The following MAN2B1 variants were observed in gnomAD, a reference collection of about 807,000 sequenced individuals.
MAN2B1 encodes mannosidase alpha class 2B member 1.
Under a neutral mutation model 127.5 loss-of-function variants are expected in MAN2B1, and 99 were observed. The observed-to-expected ratio is 0.78, with a 90% CI of 0.66 to 0.92. The LOEUF (loss-of-function observed/expected upper bound fraction) is 0.92, where lower values mean the gene tolerates loss of function less well. Ranked by LOEUF, MAN2B1 falls within the 40% of genes least tolerant of loss-of-function variation. MAN2B1 has a pLI of 0.00. For synonymous variants in MAN2B1, 573 were observed against 568.8 expected, an observed-to-expected ratio of 1.01 and a Z score of -0.11; for missense variants, 1,304 against 1,384.8, an observed-to-expected ratio of 0.94 and a Z score of 0.93.
At chr19:12,652,528 T>A in intron 14 of MAN2B1, 68 bp from the exon 15 acceptor site, 1 of 1,021,202 alleles carries the variant, frequency 9.8e-7, no homozygotes. Flanking sequence ...TTTTAATTTT[T>A]CTTTTTTCTT....
chr19:12,666,648 T>TA lies in MAN2B1; in HGVS notation c.53_54insT (p.Ala19SerfsTer55), dbSNP rs1057516810. 3 of 1,553,552 alleles carry TA rather than the reference T, an allele frequency of 1.9e-6. No individual in the cohort carries two copies. The highest frequency in any genetic ancestry group is 2.6e-6 in the Non-Finnish European group (3 of 1,148,666). On this transcript the variant is annotated frameshift_variant, in exon 1 of 24. Coordinates refer to ENST00000456935, the MANE Select transcript of MAN2B1 (RefSeq NM_000528.4). LOFTEE classifies it high-confidence loss of function. ...CGCGGGACATGGTCCAGGGGCCTGC[T>TA]GAGTCCAGGCAGCCGCGAGCGCAGA...
At position 12,657,004 on chromosome 19, in the gene MAN2B1, G is replaced by A. The variant is rs1416247798; in HGVS notation, c.1472C>T (p.Thr491Ile). 4 of 1,613,514 alleles carry A rather than the reference G, an allele frequency of 2.5e-6. No individual in the cohort carries two copies. Among genetic ancestry groups the A allele is most frequent in the East Asian group, 4.5e-5 (2 of 44,878 alleles). ...ARLRGFKDHF[T>I]FCQQLNISIC... ...GCTGATGTTTAGCTGTTGGCAAAAG[G>A]TGAAGTGATCTTTGAAGCCTCTGAG... Residue 491 changes from threonine to isoleucine, a missense_variant, in exon 12 of 24, where the codon ACC becomes ATC. By Grantham distance (89) the Thr-to-Ile change is moderately conservative. Coordinates refer to ENST00000456935, the MANE Select transcript of MAN2B1 (RefSeq NM_000528.4).
At chr19:12,660,774 TTTG>T in intron 7 of MAN2B1, 7 of 151,122 alleles carry the variant, frequency 4.6e-5, no homozygotes, top group South Asian at 4.1e-4. Context: ...TTTTTTTTTT[TTTG>T]AGACAGAGTC....
In MAN2B1 at chr19:12,647,271, C is replaced by G. The variant is rs750173812; in HGVS notation, c.2885G>C (p.Arg962Pro). The G allele has an allele frequency of 6.2e-7, 1 of 1,614,130 alleles. No individual in the cohort carries two copies. Among genetic ancestry groups the G allele is most frequent in the Admixed American group, 1.7e-5 (1 of 60,000 alleles). The change falls in exon 23 of 24, where the codon CGC (arginine) becomes CCC (proline). Residue 962 changes from arginine to proline, a missense_variant. Physicochemically the swap from Arg to Pro is moderately radical, Grantham distance 103. Transcript: ENST00000456935. This position sits in a 1 kb window ranked among gnomAD's most constrained non-coding sequence, Gnocchi z 4.9. The part of the protein sequence containing the change: ...QETTLVANQL[R>P]EAASRLKWTT... The stretch of plus-strand genomic sequence containing the variant: ...CCACTTGAGCCTGGAGGCTGCCTCG[C>G]GGAGCTGGTTGGCCACCAGCGTGGT...
At chr19:12,656,413 A>C (rs1434978438) in intron 13 of MAN2B1, 158 bp downstream of exon 13, 4 of 639,388 alleles carry the variant, frequency 6.3e-6, no homozygotes, top group African/African-American at 1.8e-5. Context: ...CCAAGGGGAG[A>C]CTGATATTAA....
At chr19:12,665,177 C>T in intron 3 of MAN2B1, 175 bp downstream of exon 3, 1 of 1,042,986 alleles carries the variant, frequency 9.6e-7, no homozygotes, top group Non-Finnish European at 1.5e-6. Context: ...AGAGGATGCA[C>T]AGCAGGTGGG....
chr19:12,653,484 C>T (rs1350115603), intron 14 of MAN2B1, among the ~76,000 whole-genome samples: 2 of 151,572 alleles, frequency 1.3e-5, no homozygotes, highest in East Asian at 2.0e-4. Context: ...TAGGGCCGAG[C>T]GTGGTGGCTC....
In MAN2B1 at chr19:12,665,358, G is replaced by A. The variant is rs765956818; in HGVS notation, c.430C>T (p.Arg144Cys). The change falls in exon 3 of 24, where the codon CGC becomes TGC. Residue 144 changes from arginine to cysteine, a missense_variant. By Grantham distance (180) the Arg-to-Cys change is radical. Transcript: ENST00000456935. ...TTCCTTGGGGTAGGCTCACCCTGGC[G>A]CACAAGGTCTCGCACGACTTCCTGT... Reference protein sequence around the residue: ...ATQEVVRDLVRQGRLEFANGG... With the variant: ...ATQEVVRDLVCQGRLEFANGG... 8 of 1,605,538 alleles carry A rather than the reference G, an allele frequency of 5.0e-6. No homozygotes were observed. The African/African-American group carries it at 5.3e-5, about 11-fold the overall frequency.
intron 10 of MAN2B1, 42 bp downstream of exon 10, chr19:12,658,021 C>T (rs746785241): frequency 1.4e-5 from 20 of 1,385,278 alleles, no homozygotes; most frequent in Non-Finnish European, 2.0e-6. Flanking sequence ...TGGTTTCCAA[C>T]TTCAGCCGCA....
intron 14 of MAN2B1, 100 bp downstream of exon 14, chr19:12,655,594 T>C: frequency 8.2e-7 from 1 of 1,224,952 alleles, no homozygotes; most frequent in Admixed American, 2.2e-5. Context: ...TGACAGGAGG[T>C]CATAAGCCTA....
At position 12,648,281 on chromosome 19, in the gene MAN2B1, G is replaced by A. The variant is rs886054229; in HGVS notation, c.2558C>T (p.Ala853Val). Residue 853 changes from alanine (A) to valine (V), a missense_variant, in exon 21 of 24, where the codon GCC (alanine) becomes GTC (valine). Coordinates refer to ENST00000456935, the MANE Select transcript of MAN2B1 (RefSeq NM_000528.4). ...LVLLDTAQAA[A>V]AGHRLLAEQE... is the part of the protein sequence containing the mutation. ...CTCCGCCAGGAGCCGGTGTCCGGCGGCTGCAGCCTGGGCTGTGTCCAGCAG... is the reference window on the plus strand; with the variant it reads ...CTCCGCCAGGAGCCGGTGTCCGGCGACTGCAGCCTGGGCTGTGTCCAGCAG... 1 of 1,610,536 alleles carries A rather than the reference G, an allele frequency of 6.2e-7. No individual in the cohort carries two copies. The highest frequency in any genetic ancestry group is 8.5e-7 in the Non-Finnish European group (1 of 1,179,166).
At chr19:12,660,670 A>G (rs939517779) in intron 7 of MAN2B1, among the ~76,000 whole-genome samples, 4 of 151,994 alleles carry the variant, frequency 2.6e-5, no homozygotes. Flanking sequence ...AAAAGCAAGG[A>G]AATTATATTC....
chr19:12,658,375 C>T (rs774849043), intron 8 of MAN2B1, 31 bp from the exon 9 acceptor site: 12 of 1,614,132 alleles, frequency 7.4e-6, no homozygotes, highest in East Asian at 2.2e-5. Flanking sequence ...AGGGCAGGGT[C>T]ATGACCCACG....
At chr19:12,656,447 A>G in intron 13 of MAN2B1, 124 bp downstream of exon 13, 1 of 724,768 alleles carries the variant, frequency 1.4e-6, no homozygotes, top group South Asian at 1.5e-5. Flanking sequence ...AAGATACAAG[A>G]GGGGGGAAGA....
chr19:12,647,112 C>G lies in MAN2B1; in HGVS notation c.2923+121G>C. 2.1e-6 allele frequency: 2 copies of G among 940,578 alleles called. No individual in the cohort carries two copies. Among genetic ancestry groups the G allele is most frequent in the Non-Finnish European group, 3.4e-6 (2 of 580,858 alleles). The allele number at this position is 940,578 out of a possible 1,614,324, so 58.3% of individuals were successfully genotyped here. A position where few individuals can be genotyped will look rare whatever the true frequency, so the allele number is the denominator to read the frequency against. On this transcript the variant is annotated intron_variant, in intron 23 of 23. Coordinates refer to ENST00000456935, the MANE Select transcript of MAN2B1 (RefSeq NM_000528.4). The surrounding 1 kb of genome is among the most constrained non-coding windows in gnomAD (Gnocchi z 4.9). ...TAAGCCCCTAACCTGGGTCTGGACT[C>G]TGCCCCATACCCTCATGACCTTTTT... is the stretch of plus-strand genomic sequence containing the variant.
In MAN2B1 at chr19:12,666,695, C is replaced by T. The variant is rs777024771; in HGVS notation, c.7G>A (p.Ala3Thr). MG[A>T]YARASGVCAR... ...CAGACCCCCGAAGCCCGCGCGTAGGCGCCCATGGCTCAGCAGCTTCCTCCT... is the reference window on the plus strand; with the variant it reads ...CAGACCCCCGAAGCCCGCGCGTAGGTGCCCATGGCTCAGCAGCTTCCTCCT... The change falls in exon 1 of 24, where the codon GCC (alanine) becomes ACC (threonine). Residue 3 changes from alanine (A) to threonine (T), a missense_variant. Physicochemically the swap from Ala to Thr is moderately conservative, Grantham distance 58. Transcript: ENST00000456935. 31 of 1,549,312 alleles carry T rather than the reference C, an allele frequency of 2.0e-5. No homozygotes were observed. The African/African-American group carries it at 3.8e-4, about 19-fold the overall frequency.
chr19:12,654,493 A>G (rs1474856677), intron 14 of MAN2B1, among the ~76,000 whole-genome samples: 1 of 152,174 alleles, frequency 6.6e-6, no homozygotes, highest in Non-Finnish European at 1.5e-5. Context: ...CCTAAGTCCC[A>G]TCAAAGCCCT....
At chr19:12,663,275 A>G (rs1177127988) in intron 6 of MAN2B1, 42 bp downstream of exon 6, 1 of 1,611,302 alleles carries the variant, frequency 6.2e-7, no homozygotes, top group African/African-American at 1.3e-5. Context: ...AGCTCATTGT[A>G]TTGTATATAC....
intron 16 of MAN2B1, among the ~76,000 whole-genome samples, chr19:12,651,878 C>A (rs1014004666): frequency 7.2e-5 from 11 of 152,204 alleles, no homozygotes; most frequent in African/African-American, 2.7e-4. Flanking sequence ...TGCCCCACCC[C>A]CAATTTCCAA....
Sources: allele counts gnomAD v4.1 joint callset (sites outside exome capture counted in the v4.1 genomes callset), GRCh38; gene constraint gnomAD v4.1.1; non-coding constraint Gnocchi (gnomAD v3.1); transcripts MANE v1.5; gene names NCBI Gene and HGNC (gene_info 2026-07-23, HGNC 2026-07-21).